The following CNTN5 variants were observed in gnomAD, a reference collection of about 807,000 sequenced individuals.
The protein encoded by CNTN5 is contactin-5.
CNTN5 carries 77 observed loss-of-function variants against 129.1 expected under a neutral mutation model. The ratio of observed to expected loss-of-function variants is 0.60; its 90% confidence interval spans 0.50 to 0.72. The LOEUF is 0.72. Ranked by LOEUF, CNTN5 falls within the 30% of genes least tolerant of loss-of-function variation. The pLI, the probability that CNTN5 is intolerant of heterozygous loss-of-function variation, is 0.00. For missense variants in CNTN5, 1,478 were observed against 1,328.8 expected (o/e 1.11, Z -1.75); for synonymous variants, 509 against 465.6 (o/e 1.09, Z -1.20).
chr11:99,845,526 C>T (rs1324310160), intron 6 of CNTN5, among the ~76,000 whole-genome samples: 1 of 151,598 alleles, frequency 6.6e-6, no homozygotes, highest in African/African-American at 2.4e-5. Context: ...GCGCCCGCCA[C>T]TACGCCCGGC....
intron 15 of CNTN5, among the ~76,000 whole-genome samples, chr11:100,218,529 A>T (rs889377540): frequency 2.6e-5 from 4 of 152,190 alleles, no homozygotes; most frequent in Non-Finnish European, 1.5e-5. Context: ...CCCACTGGGC[A>T]CCATACTGAG....
chr11:99,435,402 G>A, intron 2 of CNTN5, among the ~76,000 whole-genome samples: 1 of 152,112 alleles, frequency 6.6e-6, no homozygotes, highest in Non-Finnish European at 1.5e-5. Flanking sequence ...AAGTCTTCTG[G>A]AATTTTTTGG....
chr11:99,253,897 TTATATATATATATA>T (rs67720359), intron 1 of CNTN5, among the ~76,000 whole-genome samples: 1 of 139,062 alleles, frequency 7.2e-6, no homozygotes, highest in African/African-American at 2.7e-5. Context: ...AAATATACGT[TTATATATATATATA>T]TATATATATA....
At chr11:99,810,417 A>G (rs916017420) in intron 3 of CNTN5, among the ~76,000 whole-genome samples, 3 of 152,098 alleles carry the variant, frequency 2.0e-5, no homozygotes, top group East Asian at 3.9e-4. Flanking sequence ...GTATCTTGGA[A>G]CTATCAAAGT....
chr11:99,734,895 C>T (rs1943650859), intron 3 of CNTN5, among the ~76,000 whole-genome samples: 1 of 152,196 alleles, frequency 6.6e-6, no homozygotes, highest in African/African-American at 2.4e-5. Context: ...GTAGTCCCAG[C>T]TACTAGGGAG....
rs574015989 is a variant in CNTN5, at chr11:99,499,789, T to G, written c.-70-56356T>G. ...TATAATGTTTAATCAATTGAACAGT[T>G]ATATTTTTCAGGCCATATTGTTTTC... On this transcript the variant is annotated intron_variant, in intron 2 of 24. Transcript: ENST00000524871. Among the ~76,000 whole-genome samples the G allele has an allele frequency of 4.6e-5, 7 of 152,352 alleles. No individual in the cohort carries two copies. In the South Asian group the frequency reaches 1.2e-3, roughly 27 times the overall value.
At chr11:100,352,201 AC>A (rs1390508868) in intron 24 of CNTN5, among the ~76,000 whole-genome samples, 2 of 151,516 alleles carry the variant, frequency 1.3e-5, no homozygotes, top group African/African-American at 4.8e-5. Context: ...CCTAGCGTGT[AC>A]TGGTCCCCTC....
chr11:99,776,702 T>C (rs1488405682), intron 3 of CNTN5, among the ~76,000 whole-genome samples: 1 of 151,724 alleles, frequency 6.6e-6, no homozygotes, highest in Non-Finnish European at 1.5e-5. Flanking sequence ...CAGTGCTCTC[T>C]ACGGGACAGA....
intron 7 of CNTN5, among the ~76,000 whole-genome samples, chr11:99,946,949 G>T (rs1195977310): frequency 6.6e-6 from 1 of 151,566 alleles, no homozygotes; most frequent in Non-Finnish European, 1.5e-5. Flanking sequence ...TCAATTTCAA[G>T]ATTATGAAAT....
chr11:99,185,115 A>G (rs1858274532), intron 1 of CNTN5, among the ~76,000 whole-genome samples: 1 of 151,866 alleles, frequency 6.6e-6, no homozygotes, highest in African/African-American at 2.4e-5. Context: ...ACACAGAAAA[A>G]AAGCCAAAAA....
chr11:100,317,131 C>T (rs183481965), intron 21 of CNTN5, among the ~76,000 whole-genome samples: 29 of 152,280 alleles, frequency 1.9e-4, no homozygotes, highest in East Asian at 9.7e-4. Context: ...TAAAAGATGT[C>T]GTGGTGGGGA....
chr11:99,062,590 T>G lies in CNTN5; in HGVS notation c.-210+41320T>G, dbSNP rs567006905. ...TAGAAATTGACTAGGATAATAAGGG[T>G]AGAGTGAAGGGGATAGGACAGAGAT... On this transcript the variant is annotated intron_variant, in intron 1 of 24. Transcript: ENST00000524871. Among the ~76,000 whole-genome samples the G allele has an allele frequency of 1.6e-4, 25 of 152,076 alleles. 1 individual carries two copies. In the East Asian group the frequency reaches 4.1e-3, roughly 25 times the overall value.
At chr11:99,128,351 CG>C (rs1274637441) in intron 1 of CNTN5, among the ~76,000 whole-genome samples, 1 of 152,184 alleles carries the variant, frequency 6.6e-6, no homozygotes, top group Non-Finnish European at 1.5e-5. Context: ...CTCCCCACAG[CG>C]TAGCACAGCA....
chr11:99,971,176 C>T (rs899004861), intron 8 of CNTN5, among the ~76,000 whole-genome samples: 1 of 152,158 alleles, frequency 6.6e-6, no homozygotes, highest in Non-Finnish European at 1.5e-5. Context: ...ACCAGCTTGA[C>T]ATTTCACTCA....
At chr11:99,968,131 A>C (rs1951145453) in intron 8 of CNTN5, among the ~76,000 whole-genome samples, 1 of 152,188 alleles carries the variant, frequency 6.6e-6, no homozygotes, top group South Asian at 2.1e-4. Context: ...ATCTTTCCCT[A>C]CAAGATCTCA....
At chr11:99,452,464 C>T (rs1944342699) in intron 2 of CNTN5, among the ~76,000 whole-genome samples, 1 of 145,840 alleles carries the variant, frequency 6.9e-6, no homozygotes, top group Non-Finnish European at 1.5e-5. Flanking sequence ...ACTCTGCCTC[C>T]CGAGTTCACG....
intron 24 of CNTN5, among the ~76,000 whole-genome samples, chr11:100,355,017 C>G (rs1205665549): frequency 1.3e-5 from 2 of 151,572 alleles, no homozygotes; most frequent in Non-Finnish European, 3.0e-5. Context: ...TAACTGTATA[C>G]TTAGGCTATA....
intron 3 of CNTN5, among the ~76,000 whole-genome samples, chr11:99,773,885 T>G (rs912203171): frequency 1.3e-5 from 2 of 152,026 alleles, no homozygotes; most frequent in Non-Finnish European, 2.9e-5. Context: ...TTGTTTATAT[T>G]ACAAAAAATA....
intron 18 of CNTN5, among the ~76,000 whole-genome samples, chr11:100,291,948 T>C (rs547245274): frequency 3.3e-5 from 5 of 152,034 alleles, no homozygotes; most frequent in African/African-American, 1.2e-4. Context: ...CTATGCTCAA[T>C]GTGATCCCAA....
Sources: allele counts gnomAD v4.1 joint callset (sites outside exome capture counted in the v4.1 genomes callset), GRCh38; gene constraint gnomAD v4.1.1; transcripts MANE v1.5; gene names NCBI Gene and HGNC (gene_info 2026-07-23, HGNC 2026-07-21).